ELN: variants seen among roughly 807,000 people sequenced by gnomAD.
ELN encodes the protein elastin, also known as tropoelastin.
ELN carries 65 observed loss-of-function variants against 105.8 expected under a neutral mutation model. That is an observed-to-expected ratio of 0.61 (90% CI 0.50 to 0.75). The LOEUF (loss-of-function observed/expected upper bound fraction) is 0.75, where lower values mean the gene tolerates loss of function less well. Among genes scored for constraint, ELN ranks in the 30% least tolerant of loss-of-function variants. The probability of loss-of-function intolerance (pLI) is 0.00; values close to 1 mark genes in which losing one functional copy is unlikely to be tolerated. For synonymous variants in ELN, 368 were observed against 389.2 expected (o/e 0.95, Z 0.64); for missense variants, 882 against 969.4 (o/e 0.91, Z 1.20).
chr7:74,056,648 T>C, intron 20 of ELN, 24 bp from the exon 21 acceptor site: 1 of 1,613,874 alleles, frequency 6.2e-7, no homozygotes, highest in Non-Finnish European at 8.5e-7. Flanking sequence ...TCTGAGGGTC[T>C]CTTTCTTTCT....
At chr7:74,061,497 C>G (rs782592589) in intron 26 of ELN, among the ~76,000 whole-genome samples, 18 of 151,794 alleles carry the variant, frequency 1.2e-4, no homozygotes, top group Admixed American at 5.9e-4. Flanking sequence ...ACTAAAAACA[C>G]AAAAATTAGC....
Position 74,037,714 on chromosome 7 carries a change from G to T in ELN, c.171G>T (p.Gly57=), listed in dbSNP as rs781867378. The T allele has an allele frequency of 6.2e-7, 1 of 1,612,280 alleles. No individual in the cohort carries two copies. Among genetic ancestry groups the T allele is most frequent in the Non-Finnish European group, 8.5e-7 (1 of 1,179,374 alleles). ...CTTCTCTTCCCTCTGCAGCGCTGGG[G>T]CCTGGAGGCAAACCTCTTAAGCCAG... ...GLGALGGGAL[G]PGGKPLKPVP... Residue 57 remains glycine, a synonymous_variant, in exon 4 of 33, where the codon GGG becomes GGT. Transcript: ENST00000252034.
intron 15 of ELN, among the ~76,000 whole-genome samples, chr7:74,051,535 T>C (rs2131838543): frequency 6.6e-6 from 1 of 152,158 alleles, no homozygotes; most frequent in South Asian, 2.1e-4. Context: ...AACATACAAG[T>C]CCCTTAATGA....
chr7:74,063,846 C>A lies in ELN; in HGVS notation c.1993+151C>A. On this transcript the variant is annotated intron_variant, in intron 29 of 32. Transcript: ENST00000252034. The surrounding 1 kb of genome is among the most constrained non-coding windows in gnomAD (Gnocchi z 4.1). The stretch of plus-strand genomic sequence containing the variant: ...GGCCAGGTGCGGTGGCTCACGCCTG[C>A]AATCCCAGCACTCTAGTAGGCCAAG... 2 of 1,063,016 alleles carry A rather than the reference C, an allele frequency of 1.9e-6. No individual in the cohort carries two copies. Among genetic ancestry groups the A allele is most frequent in the Non-Finnish European group, 2.8e-6 (2 of 705,724 alleles). The allele number at this position is 1,063,016 out of a possible 1,614,324, so 65.8% of individuals were successfully genotyped here.
chr7:74,041,928 C>T lies in ELN; in HGVS notation c.232+677C>T, dbSNP rs563316354. Among the ~76,000 whole-genome samples, 23 of 152,098 alleles carry T rather than the reference C, an allele frequency of 1.5e-4. No homozygotes were observed. The East Asian group carries it at 4.1e-3, about 27-fold the overall frequency. ...CTAATTTTTGTATTCTTAGTAGAGA[C>T]GGGGTTTCACCATGTTGGCCAGGCT... On this transcript the variant is annotated intron_variant, in intron 5 of 32. Transcript: ENST00000252034.
chr7:74,044,771 A>T (rs1295301375), intron 9 of ELN, among the ~76,000 whole-genome samples: 2 of 152,110 alleles, frequency 1.3e-5, no homozygotes, highest in African/African-American at 4.8e-5. Flanking sequence ...CCCAGGGGAG[A>T]CAGGAGAGGT....
intron 31 of ELN, 62 bp from the exon 32 acceptor site, chr7:74,066,670 G>C: frequency 1.3e-6 from 2 of 1,569,034 alleles, no homozygotes; most frequent in Non-Finnish European, 1.8e-6. Flanking sequence ...CAGGCAGAAA[G>C]TGATGAGGCT....
At chr7:74,065,316 G>A (rs1797697151) in intron 29 of ELN, among the ~76,000 whole-genome samples, 1 of 151,818 alleles carries the variant, frequency 6.6e-6, no homozygotes, top group African/African-American at 2.4e-5. Context: ...GGGTGAGTAG[G>A]TCAGAAGACA....
intron 4 of ELN, among the ~76,000 whole-genome samples, chr7:74,040,673 C>T (rs538925283): frequency 2.0e-5 from 3 of 152,246 alleles, no homozygotes; most frequent in African/African-American, 7.2e-5. Flanking sequence ...GGAGACGAAG[C>T]GATTGGGCCC....
intron 31 of ELN, among the ~76,000 whole-genome samples, 166 bp downstream of exon 31, chr7:74,066,163 G>C (rs753889705): frequency 2.0e-5 from 3 of 152,244 alleles, no homozygotes; most frequent in Non-Finnish European, 4.4e-5. Context: ...AAACGGGCAA[G>C]CTATAAGGTT....
intron 4 of ELN, among the ~76,000 whole-genome samples, chr7:74,040,472 G>T (rs559564074): frequency 1.3e-5 from 2 of 152,350 alleles, no homozygotes; most frequent in South Asian, 2.1e-4. Flanking sequence ...GGAAAGCCAG[G>T]GGGGACCTCT....
At chr7:74,043,332 G>GGGA in intron 8 of ELN, 164 bp downstream of exon 8, 1 of 1,085,698 alleles carries the variant, frequency 9.2e-7, no homozygotes, top group Non-Finnish European at 1.4e-6. Flanking sequence ...CTGTGAAATG[G>GGGA]GGAGGAGGGG....
chr7:74,048,506 T>G lies in ELN; in HGVS notation c.749T>G (p.Val250Gly). Residue 250 changes from valine to glycine, a missense_variant, in exon 15 of 33, where the codon GTT becomes GGT. By Grantham distance (109) the Val-to-Gly change is moderately radical. Coordinates refer to ENST00000252034, the MANE Select transcript of ELN (RefSeq NM_000501.4). The part of the protein sequence containing the change: ...GKAGYPTGTG[V>G]GPQAAAAAAA... ...CCCCTCTGCTTCCTTCCCCCAGGGG[T>G]TGGCCCCCAGGCAGCAGCAGCAGCG... 6.2e-7 allele frequency: 1 copy of G among 1,613,996 alleles called. No individual in the cohort carries two copies. Among genetic ancestry groups the G allele is most frequent in the East Asian group, 2.2e-5 (1 of 44,886 alleles).
chr7:74,063,006 GA>G lies in ELN; in HGVS notation c.1787-144del. 3.7e-6 allele frequency: 4 copies of G among 1,078,822 alleles called. No individual in the cohort carries two copies. The highest frequency in any genetic ancestry group is 5.3e-6 in the Non-Finnish European group (4 of 756,556). The allele number at this position is 1,078,822 out of a possible 1,614,324, so 66.8% of individuals were successfully genotyped here. On this transcript the variant is annotated intron_variant, in intron 26 of 32. Coordinates refer to ENST00000252034, the MANE Select transcript of ELN (RefSeq NM_000501.4). This position sits in a 1 kb window ranked among gnomAD's most constrained non-coding sequence, Gnocchi z 4.1. ...ACAGAGCAAAACCCCATCTCAAAAT[GA>G]AACAAAATATGGACTGGACTTCCTG...
intron 10 of ELN, 172 bp downstream of exon 10, chr7:74,045,465 A>G (rs996111132): frequency 2.6e-5 from 19 of 719,166 alleles, no homozygotes; most frequent in African/African-American, 8.7e-5. Context: ...GTGGCTGGGC[A>G]CACTGGCTCA....
chr7:74,049,943 A>G (rs1200780225), intron 15 of ELN, among the ~76,000 whole-genome samples: 7 of 145,458 alleles, frequency 4.8e-5, no homozygotes, highest in African/African-American at 1.5e-4. Flanking sequence ...CCACCCATCC[A>G]TCACTCCCTC....
Position 74,037,568 on chromosome 7 carries a change from C to T in ELN, c.164-139C>T, listed in dbSNP as rs1554666434. On this transcript the variant is annotated intron_variant, in intron 3 of 32. Transcript: ENST00000252034. ...ACGAGTTAGAAGTAGAGCTAGGTTC[C>T]CAGGGGCTCCAAGTCTGAGCGGGAG... 3 of 1,285,804 alleles carry T rather than the reference C, an allele frequency of 2.3e-6. No individual in the cohort carries two copies. In the African/African-American group the frequency reaches 4.4e-5, roughly 19 times the overall value. 79.6% of individuals were successfully genotyped at this position (1,285,804 alleles called of 1,614,324 possible). A position where few individuals can be genotyped will look rare whatever the true frequency, so the allele number is the denominator to read the frequency against.
At chr7:74,046,500 G>A (rs559541069) in intron 11 of ELN, among the ~76,000 whole-genome samples, 196 bp from the exon 12 acceptor site, 3 of 152,390 alleles carry the variant, frequency 2.0e-5, no homozygotes, top group South Asian at 2.1e-4. Context: ...AGAGAATCCC[G>A]TAGCTTCCTG....
chr7:74,046,553 A>G, intron 11 of ELN, 143 bp from the exon 12 acceptor site: 1 of 861,382 alleles, frequency 1.2e-6, no homozygotes, highest in Admixed American at 2.1e-5. Context: ...CTGACCCATG[A>G]TGGAGATTCA....
Sources: gnomAD v4.1 joint callset for allele counts (sites outside exome capture counted in the v4.1 genomes callset) on GRCh38, gnomAD v4.1.1 for gene constraint, Gnocchi (gnomAD v3.1) non-coding constraint, MANE v1.5 for transcripts, NCBI Gene and HGNC (gene_info 2026-07-23, HGNC 2026-07-21) for gene names.